The following KBTBD11 variants were observed in gnomAD, a reference collection of about 807,000 sequenced individuals.
The protein encoded by KBTBD11 is kelch repeat and BTB domain containing 11, also known as kelch repeat and BTB domain-containing protein 11.
For synonymous variants in KBTBD11, 747 were observed against 499.0 expected (o/e 1.50, Z -6.63); for missense variants, 1,390 against 1,001.8 (o/e 1.39, Z -5.23).
chr8:1,979,176 C>T (rs1056683313), intron 1 of KBTBD11, among the ~76,000 whole-genome samples: 1 of 152,198 alleles, frequency 6.6e-6, no homozygotes, highest in Non-Finnish European at 1.5e-5. Context: ...GGCAGGCCGG[C>T]AGGCTGGATA....
intron 1 of KBTBD11, among the ~76,000 whole-genome samples, chr8:1,998,519 A>G (rs918631323): frequency 2.4e-4 from 36 of 152,350 alleles, no homozygotes; most frequent in Non-Finnish European, 4.3e-4. Flanking sequence ...TTAATTACAT[A>G]AAGATGACTC....
At chr8:1,988,341 CCCA>C (rs1464000023) in intron 1 of KBTBD11, among the ~76,000 whole-genome samples, 1 of 152,208 alleles carries the variant, frequency 6.6e-6, no homozygotes, top group Admixed American at 6.5e-5. Flanking sequence ...AGTTTACACT[CCCA>C]CCAACAGTGT....
intron 1 of KBTBD11, 146 bp downstream of exon 1, chr8:1,974,081 G>A (rs1269677632): frequency 2.9e-6 from 1 of 343,510 alleles, no homozygotes; most frequent in Non-Finnish European, 3.9e-6. Context: ...AGGCCGGCAG[G>A]GGAGAGGCGG....
chr8:1,984,123 A>G (rs910830245), intron 1 of KBTBD11, among the ~76,000 whole-genome samples: 3 of 151,964 alleles, frequency 2.0e-5, no homozygotes, highest in Admixed American at 2.0e-4. Context: ...CGTCTGAAAA[A>G]AATTTAGAAA....
rs750947866 is a variant in KBTBD11 at position 2,001,916 on chromosome 8, G to A, written c.724G>A (p.Ala242Thr). The A allele has an allele frequency of 1.1e-4, 164 of 1,456,116 alleles. 2 individuals are homozygous for A. The South Asian group carries it at 1.9e-3, about 17-fold the overall frequency. The allele number at this position is 1,456,116 out of a possible 1,614,324, so 90.2% of individuals were successfully genotyped here. The part of the protein sequence containing the change: ...SLANCYEVLS[A>T]AKRQRLNELR... ...GGCCAACTGCTACGAGGTCCTGAGC[G>A]CGGCCAAGCGGCAGCGGCTGAACGA... The change falls in exon 2 of 2, where the codon GCG becomes ACG. Residue 242 changes from alanine to threonine, a missense_variant. Coordinates refer to ENST00000320248, the MANE Select transcript of KBTBD11 (RefSeq NM_014867.3).
chr8:2,001,474 T>G lies in KBTBD11; in HGVS notation c.282T>G (p.Pro94=), dbSNP rs1303599720. The change falls in exon 2 of 2, where the codon CCT becomes CCG. Residue 94 remains proline (P), a synonymous_variant. Coordinates refer to ENST00000320248, the MANE Select transcript of KBTBD11 (RefSeq NM_014867.3). Reference sequence around the variant, plus strand: ...CGTCCCCGGAGGAGCTCGCGTCCCCTGAGGAGCGCGCGTGCCCGGAAGAGC... The same window carrying G: ...CGTCCCCGGAGGAGCTCGCGTCCCCGGAGGAGCGCGCGTGCCCGGAAGAGC... ...GAASPEELAS[P]EERACPEEPA... 2 of 1,377,912 alleles carry G rather than the reference T, an allele frequency of 1.5e-6. No homozygotes were observed. Among genetic ancestry groups the G allele is most frequent in the African/African-American group, 3.1e-5 (2 of 65,270 alleles). The allele number at this position is 1,377,912 out of a possible 1,614,324, so 85.4% of individuals were successfully genotyped here. A position where few individuals can be genotyped will look rare whatever the true frequency, so the allele number is the denominator to read the frequency against.
At chr8:1,995,790 C>T (rs554464702) in intron 1 of KBTBD11, among the ~76,000 whole-genome samples, 18 of 152,252 alleles carry the variant, frequency 1.2e-4, no homozygotes, top group African/African-American at 3.1e-4. Context: ...TTTAGGAGGC[C>T]GAGGCAGGTG....
intron 1 of KBTBD11, among the ~76,000 whole-genome samples, chr8:1,997,297 C>G (rs1036255494): frequency 6.6e-6 from 1 of 152,076 alleles, no homozygotes; most frequent in African/African-American, 2.4e-5. Flanking sequence ...AACATCTGAC[C>G]CTAACAGTCA....
intron 1 of KBTBD11, among the ~76,000 whole-genome samples, chr8:1,981,079 C>T (rs1411841914): frequency 3.9e-5 from 6 of 152,164 alleles, no homozygotes; most frequent in Non-Finnish European, 4.4e-5. Flanking sequence ...GACCCTGAGC[C>T]TGTCAGTGAA....
intron 1 of KBTBD11, among the ~76,000 whole-genome samples, chr8:1,994,098 A>G (rs1316112312): frequency 6.6e-6 from 1 of 152,146 alleles, no homozygotes; most frequent in African/African-American, 2.4e-5. Flanking sequence ...TACGGAGCTT[A>G]GACTTCAAGA....
intron 1 of KBTBD11, among the ~76,000 whole-genome samples, chr8:1,996,946 T>C (rs1349160610): frequency 6.6e-6 from 1 of 152,194 alleles, no homozygotes; most frequent in Non-Finnish European, 1.5e-5. Context: ...TTAGCCCTTG[T>C]TCTTATGAAA....
At position 2,004,649 on chromosome 8, in the gene KBTBD11, C is replaced by G. The variant is rs935205564; in HGVS notation, c.*1585C>G. 1.2e-5 allele frequency: 2 copies of G among 166,976 alleles called. No homozygotes were observed. Among genetic ancestry groups the G allele is most frequent in the East Asian group, 3.8e-4 (2 of 5,196 alleles). The allele number at this position is 166,976 out of a possible 1,614,324, so 10.3% of individuals were successfully genotyped here. The stretch of plus-strand genomic sequence containing the variant: ...TGACTCGGGGGCTGGAATTTATGAT[C>G]TGGGTTACGGTATGTTCTGGGGACG... On this transcript the variant is annotated 3_prime_UTR_variant, in exon 2 of 2. Coordinates refer to ENST00000320248, the MANE Select transcript of KBTBD11 (RefSeq NM_014867.3).
At chr8:1,996,336 G>T (rs1007418439) in intron 1 of KBTBD11, among the ~76,000 whole-genome samples, 14 of 152,138 alleles carry the variant, frequency 9.2e-5, no homozygotes, top group Middle Eastern at 3.4e-3. Flanking sequence ...GCGTGATCTC[G>T]GCTCACTGCA....
intron 1 of KBTBD11, 174 bp downstream of exon 1, chr8:1,974,109 GGGAGGGAGGGGAGCGGAGC>G (rs1816225118): frequency 1.2e-5 from 1 of 81,858 alleles, no homozygotes; most frequent in African/African-American, 1.3e-4. Context: ...AGGCCGGCAG[GGGAGGGAGGGGAGCGGAGC>G]GGAGGGGAGG....
intron 1 of KBTBD11, among the ~76,000 whole-genome samples, chr8:1,998,678 C>T (rs776293218): frequency 4.6e-5 from 7 of 152,158 alleles, no homozygotes; most frequent in Admixed American, 6.5e-5. Context: ...CAGTGTTAAA[C>T]GAATAAGCCA....
At chr8:1,976,091 C>G (rs1178474675) in intron 1 of KBTBD11, 2 of 152,192 alleles carry the variant, frequency 1.3e-5, no homozygotes, top group Non-Finnish European at 2.9e-5. Flanking sequence ...TGCAGTGCCT[C>G]TAAGCCTCCT....
At position 2,002,595 on chromosome 8, in the gene KBTBD11, A is replaced by G. The variant is rs140699745; in HGVS notation, c.1403A>G (p.Tyr468Cys). 1.7e-4 allele frequency: 266 copies of G among 1,585,184 alleles called. No homozygotes were observed. The African/African-American group carries it at 3.3e-3, about 20-fold the overall frequency. ...EIYVSGGSLFYRLLKYDPRRD... is the reference protein window; with the variant it reads ...EIYVSGGSLFCRLLKYDPRRD... ...TACGTGTCCGGGGGCTCCCTCTTCT[A>G]TCGCCTGCTCAAGTATGACCCGCGG... Residue 468 changes from tyrosine to cysteine, a missense_variant, in exon 2 of 2, where the codon TAT becomes TGT. Transcript: ENST00000320248. The surrounding 1 kb of genome is among the most constrained non-coding windows in gnomAD (Gnocchi z 4.1).
intron 1 of KBTBD11, among the ~76,000 whole-genome samples, chr8:1,984,153 G>A (rs1047274113): frequency 3.3e-5 from 5 of 151,728 alleles, no homozygotes; most frequent in African/African-American, 9.7e-5. Context: ...AGAGTCACAC[G>A]TGGGCCAGTC....
intron 1 of KBTBD11, among the ~76,000 whole-genome samples, chr8:1,983,533 A>G (rs1259208981): frequency 6.6e-6 from 1 of 152,082 alleles, no homozygotes; most frequent in Non-Finnish European, 1.5e-5. Flanking sequence ...TGACCTCATG[A>G]TGCATCTTTT....
Sources: allele counts gnomAD v4.1 joint callset (sites outside exome capture counted in the v4.1 genomes callset), GRCh38; gene constraint gnomAD v4.1.1; non-coding constraint Gnocchi (gnomAD v3.1); transcripts MANE v1.5; gene names NCBI Gene and HGNC (gene_info 2026-07-23, HGNC 2026-07-21).